The following ZNF324B variants were observed in gnomAD, a reference collection of about 807,000 sequenced individuals.
ZNF324B encodes zinc finger protein 324B.
Under a neutral mutation model 10.6 loss-of-function variants are expected in ZNF324B, and 7 were observed. The ratio of observed to expected loss-of-function variants is 0.66; its 90% CI spans 0.38 to 1.24. ZNF324B has a LOEUF of 1.24. ZNF324B is among the 50% of genes most tolerant of loss of function. The pLI, the probability that ZNF324B is intolerant of heterozygous loss-of-function variation, is 0.02. For missense variants in ZNF324B, 640 were observed against 764.7 expected, an observed-to-expected ratio of 0.84 and a Z score of 1.92; for synonymous variants, 316 against 321.0, an observed-to-expected ratio of 0.98 and a Z score of 0.17.
the ZNF324B span, chr19:58,433,894 C>T: frequency 1.2e-6 from 2 of 1,614,162 alleles, no homozygotes; most frequent in South Asian, 1.1e-5. Context: ...ACATTCGCTG[C>T]ACTCATAAGG....
Position 58,456,405 on chromosome 19 carries a change from C to T in ZNF324B, c.1461C>T (p.Gly487=). ...AGCCCTTCGTGTGCACGCAGTGTGG[C>T]CGCGCCTTCCGTGAGCGCCCTGCCC... ...GEKPFVCTQC[G]RAFRERPALL... The change falls in exon 4 of 4, where the codon GGC becomes GGT. Residue 487 remains glycine, a synonymous_variant. Transcript: ENST00000336614. This position sits in a 1 kb window ranked among gnomAD's most constrained non-coding sequence, Gnocchi z 4.7. 1 of 1,613,134 alleles carries T rather than the reference C, an allele frequency of 6.2e-7. No individual in the cohort carries two copies. Among genetic ancestry groups the T allele is most frequent in the East Asian group, 2.2e-5 (1 of 44,898 alleles).
At chr19:58,434,962 T>C in the ZNF324B span, 1 of 1,614,206 alleles carries the variant, frequency 6.2e-7, no homozygotes, top group Non-Finnish European at 8.5e-7. Context: ...GTGCTCCTTC[T>C]GGTGCTGGTG....
chr19:58,433,774 G>T, the ZNF324B span: 1 of 1,614,168 alleles, frequency 6.2e-7, no homozygotes, highest in African/African-American at 1.3e-5. Flanking sequence ...TTCAATGAGA[G>T]TGGAGCTGTG....
chr19:58,427,366 C>CT, the ZNF324B span, among the ~76,000 whole-genome samples: 1 of 41,878 alleles, frequency 2.4e-5, no homozygotes, highest in Admixed American at 2.9e-4. Context: ...TTCTTTCTTT[C>CT]TTTCTTTCTT....
At chr19:58,450,738 C>G (rs188299080), upstream of ZNF324B, among the ~76,000 whole-genome samples, 1 of 152,274 alleles carries the variant, frequency 6.6e-6, no homozygotes, top group East Asian at 1.9e-4. Context: ...TACTTGACAT[C>G]TGAGAACTGT....
the ZNF324B span, chr19:58,441,742 T>A: frequency 6.6e-6 from 1 of 152,376 alleles, no homozygotes; most frequent in African/African-American, 2.4e-5. Flanking sequence ...GGATAGGATT[T>A]GGGAAGGAGG....
upstream of ZNF324B, among the ~76,000 whole-genome samples, chr19:58,450,561 A>G (rs1439732405): frequency 6.6e-6 from 1 of 152,190 alleles, no homozygotes; most frequent in Non-Finnish European, 1.5e-5. Context: ...GTGTTCTTAA[A>G]TTCTTTCAAA....
the ZNF324B span, chr19:58,439,903 T>C: frequency 3.5e-6 from 5 of 1,434,094 alleles, no homozygotes; most frequent in African/African-American, 7.3e-5. Context: ...AGGACCTGTC[T>C]TCCCAAATGC....
At chr19:58,440,142 G>A in the ZNF324B span, 1 of 395,338 alleles carries the variant, frequency 2.5e-6, no homozygotes, top group African/African-American at 2.2e-5. Flanking sequence ...GCAGCAAAAT[G>A]AGGACCGCAA....
At chr19:58,421,028 C>A in the ZNF324B span, among the ~76,000 whole-genome samples, 1 of 149,780 alleles carries the variant, frequency 6.7e-6, no homozygotes, top group African/African-American at 2.5e-5. Context: ...TAAAGACATA[C>A]GAGATGCTAA....
At chr19:58,451,594 T>TG (rs1370933198), upstream of ZNF324B, 1 of 516,642 alleles carries the variant, frequency 1.9e-6, no homozygotes, top group Non-Finnish European at 3.9e-6. Context: ...ATGTGAGCTC[T>TG]GGGGGCTGGA....
the ZNF324B span, among the ~76,000 whole-genome samples, chr19:58,431,355 A>T: frequency 6.6e-6 from 1 of 152,216 alleles, no homozygotes; most frequent in South Asian, 2.1e-4. Flanking sequence ...GGCAGGGAGA[A>T]CAGAGAGGGA....
upstream of ZNF324B, among the ~76,000 whole-genome samples, chr19:58,451,203 G>A (rs185678763): frequency 4.1e-4 from 63 of 152,234 alleles, 1 homozygote; most frequent in Non-Finnish European, 8.8e-5. Flanking sequence ...AAGGGAACCC[G>A]GAGCTCCAGG....
the ZNF324B span, among the ~76,000 whole-genome samples, chr19:58,423,030 C>T: frequency 1.3e-5 from 2 of 152,026 alleles, no homozygotes; most frequent in East Asian, 1.9e-4. Context: ...CCACTATGCT[C>T]AGCTAATTTT....
At chr19:58,434,719 CCA>C in the ZNF324B span, 1 of 1,614,052 alleles carries the variant, frequency 6.2e-7, no homozygotes. Context: ...GAAGGCTTTT[CCA>C]CAGTTGCTGC....
chr19:58,430,460 C>CAGTAATACAATA, the ZNF324B span: 1 of 152,226 alleles, frequency 6.6e-6, no homozygotes, highest in Non-Finnish European at 1.5e-5. Flanking sequence ...TACAGTGCCG[C>CAGTAATACAATA]CTAAGATTCT....
the ZNF324B span, among the ~76,000 whole-genome samples, chr19:58,427,373 T>TTC: frequency 9.4e-4 from 36 of 38,410 alleles, 2 homozygotes; most frequent in African/African-American, 2.8e-3. Context: ...TTTCTTTCTT[T>TTC]CTTTCTTTCT....
upstream of ZNF324B, among the ~76,000 whole-genome samples, chr19:58,451,360 C>G (rs925518070): frequency 6.6e-5 from 10 of 152,256 alleles, no homozygotes; most frequent in African/African-American, 2.4e-4. Context: ...GTGCCAGGAA[C>G]TGGGAATCCC....
rs1006127038 is a variant in ZNF324B at position 58,455,979 on chromosome 19, G to A, written c.1035G>A (p.Glu345=). 5.7e-6 allele frequency: 9 copies of A among 1,592,262 alleles called. No homozygotes were observed. The African/African-American group carries it at 1.2e-4, about 21-fold the overall frequency. The change falls in exon 4 of 4, where the codon GAG becomes GAA. Residue 345 remains glutamate (E), a synonymous_variant. Transcript: ENST00000336614. This position sits in a 1 kb window ranked among gnomAD's most constrained non-coding sequence, Gnocchi z 7.0. ...HTAEKSFRCS[E]CGKAFSHGSN... ...CCGAGAAGTCCTTCCGCTGCTCCGA[G>A]TGCGGCAAGGCCTTCAGCCACGGCT...
Sources: gnomAD v4.1 joint callset for allele counts (sites outside exome capture counted in the v4.1 genomes callset) on GRCh38, gnomAD v4.1.1 for gene constraint, Gnocchi (gnomAD v3.1) non-coding constraint, MANE v1.5 for transcripts, NCBI Gene and HGNC (gene_info 2026-07-23, HGNC 2026-07-21) for gene names.